The following KIF13B variants were observed in gnomAD, a reference collection of about 807,000 sequenced individuals.
The protein encoded by KIF13B is kinesin family member 13B.
KIF13B carries 127 observed loss-of-function variants against 222.0 expected under a neutral mutation model. The ratio of observed to expected loss-of-function variants is 0.57; its 90% CI spans 0.50 to 0.66. The LOEUF (loss-of-function observed/expected upper bound fraction) is 0.66. Among genes scored for constraint, KIF13B ranks in the 30% least tolerant of loss-of-function variants. The pLI, the probability that KIF13B is intolerant of heterozygous loss-of-function variation, is 0.00. For synonymous variants in KIF13B, 976 were observed against 919.0 expected, an observed-to-expected ratio of 1.06 and a Z score of -1.12; for missense variants, 2,173 against 2,379.0, an observed-to-expected ratio of 0.91 and a Z score of 1.80.
chr8:29,219,290 C>G (rs1419082759), intron 2 of KIF13B: 1 of 152,154 alleles, frequency 6.6e-6, no homozygotes, highest in Non-Finnish European at 1.5e-5. Context: ...CAGGCAGACC[C>G]AAGACCAGAG....
chr8:29,172,205 C>G (rs896517913), intron 10 of KIF13B, among the ~76,000 whole-genome samples: 1 of 151,824 alleles, frequency 6.6e-6, no homozygotes, highest in Admixed American at 6.6e-5. Context: ...CTCAGCCTCC[C>G]GAGTAGCTGG....
At chr8:29,166,857 A>G (rs951082451) in intron 11 of KIF13B, among the ~76,000 whole-genome samples, 1 of 152,244 alleles carries the variant, frequency 6.6e-6, no homozygotes, top group Non-Finnish European at 1.5e-5. Flanking sequence ...AAACAGCTGT[A>G]ATAGAGTACC....
At position 29,170,191 on chromosome 8, in the gene KIF13B, T is replaced by C. The variant is rs189364836; in HGVS notation, c.946-2606A>G. On this transcript the variant is annotated intron_variant, in intron 10 of 39. Transcript: ENST00000524189. Reference sequence around the variant, plus strand: ...AATCAGATGAGGTTTGTTTCAAAGGTGGCAACAGCAAATTAAATAGTCATA... The same window carrying C: ...AATCAGATGAGGTTTGTTTCAAAGGCGGCAACAGCAAATTAAATAGTCATA... Among the ~76,000 whole-genome samples the C allele has an allele frequency of 3.3e-5, 5 of 152,344 alleles. No homozygotes were observed. The East Asian group carries it at 9.6e-4, about 29-fold the overall frequency.
intron 37 of KIF13B, among the ~76,000 whole-genome samples, chr8:29,077,594 C>G (rs1807623172): frequency 2.0e-5 from 3 of 152,256 alleles, no homozygotes; most frequent in Admixed American, 1.3e-4. Context: ...GCAAATACCC[C>G]AAGGATGGGA....
chr8:29,263,195 G>T (rs1173389705), upstream of KIF13B: 13 of 618,602 alleles, frequency 2.1e-5, no homozygotes, highest in Non-Finnish European at 3.5e-5. Context: ...CTGTATGGCG[G>T]GACTTGTAGT....
chr8:29,227,462 G>C (rs1344154743), intron 2 of KIF13B, among the ~76,000 whole-genome samples: 1 of 152,034 alleles, frequency 6.6e-6, no homozygotes, highest in East Asian at 1.9e-4. Context: ...GCTAATTTTT[G>C]TATTTTTAGT....
In KIF13B at chr8:29,191,015, C is replaced by T. The variant is rs1371440953; in HGVS notation, c.205G>A (p.Val69Ile). 1 of 1,612,888 alleles carries T rather than the reference C, an allele frequency of 6.2e-7. No homozygotes were observed. The highest frequency in any genetic ancestry group is 1.1e-5 in the South Asian group (1 of 90,988). Residue 69 changes from valine (V) to isoleucine (I), a missense_variant, in exon 4 of 40, where the codon GTC (valine) becomes ATC (isoleucine). Physicochemically the swap from Val to Ile is conservative, Grantham distance 29. Around this residue, in one of 2 missense-constraint regions of KIF13B, gnomAD observed 1,480 missense variants for 1,722.8 expected, o/e 0.86. Transcript: ENST00000524189. Reference sequence around the variant, plus strand: ...CTATTACCTGCATACTTTTCTTTGACAGATTCATCCATAGACCAGAAACAA... The same window carrying T: ...CTATTACCTGCATACTTTTCTTTGATAGATTCATCCATAGACCAGAAACAA... ...DHCFWSMDES[V>I]KEKYAGQDIV...
At chr8:29,258,275 A>G (rs530011550) in intron 1 of KIF13B, among the ~76,000 whole-genome samples, 1 of 152,164 alleles carries the variant, frequency 6.6e-6, no homozygotes, top group African/African-American at 2.4e-5. Flanking sequence ...CAGCTGCTTA[A>G]TTTTGACCGA....
chr8:29,152,546 C>A (rs957558527), intron 14 of KIF13B, among the ~76,000 whole-genome samples: 1 of 152,184 alleles, frequency 6.6e-6, no homozygotes. Flanking sequence ...GCAAGACCTT[C>A]CTGCAGCAGA....
intron 22 of KIF13B, among the ~76,000 whole-genome samples, chr8:29,132,763 G>C (rs1810400908): frequency 6.6e-6 from 1 of 152,120 alleles, no homozygotes; most frequent in South Asian, 2.1e-4. Flanking sequence ...ATTTTTAAGA[G>C]CATAATTGTA....
rs916094863 is a variant in KIF13B, at chr8:29,119,082, C to T, written c.3536-90G>A. The T allele has an allele frequency of 2.2e-6, 3 of 1,341,990 alleles. No homozygotes were observed. The African/African-American group carries it at 4.4e-5, about 20-fold the overall frequency. The allele number at this position is 1,341,990 out of a possible 1,614,324, so 83.1% of individuals were successfully genotyped here. A position where few individuals can be genotyped will look rare whatever the true frequency, so the allele number is the denominator to read the frequency against. On this transcript the variant is annotated intron_variant, in intron 29 of 39. Coordinates refer to ENST00000524189, the MANE Select transcript of KIF13B (RefSeq NM_015254.4). ...TTTCAATGTGATTATTACAATTCTT[C>T]TGCTTCAAATTTCATTTGCTTTTTG...
At chr8:29,184,413 A>C (rs1331328797) in intron 6 of KIF13B, among the ~76,000 whole-genome samples, 1 of 152,070 alleles carries the variant, frequency 6.6e-6, no homozygotes, top group East Asian at 1.9e-4. Flanking sequence ...ATGTTCTAAG[A>C]CCTCAGGTGT....
At chr8:29,170,178 T>C (rs1472699560) in intron 10 of KIF13B, among the ~76,000 whole-genome samples, 2 of 152,332 alleles carry the variant, frequency 1.3e-5, no homozygotes, top group African/African-American at 4.8e-5. Context: ...TCAGATGAGG[T>C]TTGTTTCAAA....
intron 21 of KIF13B, among the ~76,000 whole-genome samples, chr8:29,138,368 A>C (rs1810657968): frequency 6.6e-6 from 1 of 151,802 alleles, no homozygotes; most frequent in South Asian, 2.1e-4. Flanking sequence ...ATTGTAAATA[A>C]AGGGAGAGAT....
intron 1 of KIF13B, among the ~76,000 whole-genome samples, chr8:29,251,942 T>C (rs1239556922): frequency 6.7e-6 from 1 of 150,120 alleles, no homozygotes; most frequent in South Asian, 2.1e-4. Flanking sequence ...ATTTCATGAG[T>C]AATCAAGCTT....
chr8:29,178,502 T>C (rs1812576197), intron 8 of KIF13B, among the ~76,000 whole-genome samples: 2 of 152,126 alleles, frequency 1.3e-5, no homozygotes, highest in African/African-American at 2.4e-5. Context: ...CGTACTTCAA[T>C]AGCAATATAA....
At chr8:29,175,622 C>G (rs1223800758) in intron 10 of KIF13B, among the ~76,000 whole-genome samples, 1 of 152,170 alleles carries the variant, frequency 6.6e-6, no homozygotes, top group African/African-American at 2.4e-5. Flanking sequence ...ATGAGTAAAG[C>G]TAAACAGAAA....
At position 29,186,389 on chromosome 8, in the gene KIF13B, T is replaced by C. The variant is rs1586898251; in HGVS notation, c.400A>G (p.Thr134Ala). The stretch of plus-strand genomic sequence containing the variant: ...TGTTCTTCATTTTCCTCTTTCTGAG[T>C]TCGTTCAAAGAGTCCACTGCAAAGT... Reference protein sequence around the residue: ...PRLCSGLFERTQKEENEEQSF... With the variant: ...PRLCSGLFERAQKEENEEQSF... Residue 134 changes from threonine to alanine, a missense_variant, in exon 6 of 40, where the codon ACT (threonine) becomes GCT (alanine). Thr to Ala is a moderately conservative substitution (Grantham distance 58, BLOSUM62 0). Transcript: ENST00000524189. 2 of 1,613,842 alleles carry C rather than the reference T, an allele frequency of 1.2e-6. No individual in the cohort carries two copies. Among genetic ancestry groups the C allele is most frequent in the Middle Eastern group, 3.3e-4 (2 of 6,062 alleles).
At chr8:29,080,534 C>T (rs60972081) in intron 37 of KIF13B, among the ~76,000 whole-genome samples, 1,878 of 152,260 alleles carry the variant, frequency 0.012, 31 homozygotes, top group African/African-American at 0.041. Context: ...CAGTGACCAC[C>T]CTGTGCGCCT....
Sources: gnomAD v4.1 joint callset for allele counts (sites outside exome capture counted in the v4.1 genomes callset) on GRCh38, gnomAD v4.1.1 for gene constraint, gnomAD v4.1.1 regional missense constraint, MANE v1.5 for transcripts, NCBI Gene and HGNC (gene_info 2026-07-23, HGNC 2026-07-21) for gene names.